Variants in VPS13D observed in about 807,000 individuals in gnomAD.
VPS13D encodes vacuolar protein sorting 13 homolog D.
In VPS13D, 187 loss-of-function variants were observed where a neutral mutation model predicts 461.9. The observed-to-expected ratio is 0.40, with a 90% CI of 0.36 to 0.46. VPS13D has a LOEUF of 0.46. Ranked by LOEUF, VPS13D falls within the 20% of genes least tolerant of loss-of-function variation. The probability of loss-of-function intolerance (pLI) is 0.60; values close to 1 mark genes in which losing one functional copy is unlikely to be tolerated. For synonymous variants in VPS13D, 1,951 were observed against 1,986.3 expected, an observed-to-expected ratio of 0.98 and a Z score of 0.47; for missense variants, 4,711 against 5,364.9, an observed-to-expected ratio of 0.88 and a Z score of 3.81.
In VPS13D at chr1:12,277,099, C is replaced by T. The variant is rs755498215; in HGVS notation, c.3511C>T (p.His1171Tyr). 3 of 1,613,980 alleles carry T rather than the reference C, an allele frequency of 1.9e-6. No homozygotes were observed. The South Asian group carries it at 3.3e-5, about 18-fold the overall frequency. Reference sequence around the variant, plus strand: ...AAACACTGAGGTTGCAGTGGAAATCCATAGGCTGAACTTACTGCTTCTTCG... The same window carrying T: ...AAACACTGAGGTTGCAGTGGAAATCTATAGGCTGAACTTACTGCTTCTTCG... ...EQNTEVAVEI[H>Y]RLNLLLLRTV... is the part of the protein sequence containing the mutation. Residue 1171 changes from histidine to tyrosine, a missense_variant, in exon 19 of 70, where the codon CAT becomes TAT. Coordinates refer to ENST00000620676, the MANE Select transcript of VPS13D (RefSeq NM_015378.4).
intron 9 of VPS13D, 30 bp downstream of exon 9, chr1:12,257,117 T>A: frequency 6.3e-7 from 1 of 1,586,514 alleles, no homozygotes; most frequent in Non-Finnish European, 8.7e-7. Context: ...GTCATGAAAT[T>A]CATGTTAGAG....
chr1:12,276,556 A>C lies in VPS13D; in HGVS notation c.2968A>C (p.Arg990=). ...VFGTNAHFVK[R]PYDAEVSLTV... ...TGGTACCAATGCTCACTTTGTGAAGAGGCCTTATGATGCTGAAGTCTCCCT... is the reference window on the plus strand; with the variant it reads ...TGGTACCAATGCTCACTTTGTGAAGCGGCCTTATGATGCTGAAGTCTCCCT... Residue 990 remains arginine, a synonymous_variant, in exon 19 of 70, where the codon AGG becomes CGG. Transcript: ENST00000620676. The surrounding 1 kb of genome is among the most constrained non-coding windows in gnomAD (Gnocchi z 4.5). 6.2e-7 allele frequency: 1 copy of C among 1,614,176 alleles called. No homozygotes were observed. Among genetic ancestry groups the C allele is most frequent in the Non-Finnish European group, 8.5e-7 (1 of 1,180,038 alleles).
chr1:12,479,003 CAG>C lies in VPS13D; in HGVS notation c.12663-18494_12663-18493del, dbSNP rs138211200. The stretch of plus-strand genomic sequence containing the variant: ...CCACAGCTACGCCCAGGTGCTAAAA[CAG>C]AGCAGGTGGAAGGCCGCCCCACGGA... On this transcript the variant is annotated intron_variant, in intron 67 of 69. Transcript: ENST00000620676. 815 of 418,892 alleles carry C rather than the reference CAG, an allele frequency of 1.9e-3. 6 individuals carry two copies. The highest frequency in any genetic ancestry group is 0.015 in the African/African-American group (751 of 49,406). 25.9% of individuals were successfully genotyped at this position (418,892 alleles called of 1,614,324 possible).
intron 65 of VPS13D, among the ~76,000 whole-genome samples, chr1:12,445,994 C>T (rs1645187779): frequency 6.6e-6 from 1 of 152,224 alleles, no homozygotes; most frequent in Admixed American, 6.5e-5. Context: ...GCATGTGTAG[C>T]TTTCCCAAAA....
At chr1:12,406,736 C>A (rs1644661111) in intron 63 of VPS13D, among the ~76,000 whole-genome samples, 1 of 152,148 alleles carries the variant, frequency 6.6e-6, no homozygotes, top group African/African-American at 2.4e-5. Flanking sequence ...TAGAAAGTGG[C>A]CGAGTGATAC....
At chr1:12,351,379 C>G (rs1319812483) in intron 46 of VPS13D, among the ~76,000 whole-genome samples, 1 of 152,188 alleles carries the variant, frequency 6.6e-6, no homozygotes, top group South Asian at 2.1e-4. Context: ...CAACCTCCGC[C>G]TCTTGGATTC....
At position 12,379,584 on chromosome 1, in the gene VPS13D, G is replaced by A. The variant is rs1250626819; in HGVS notation, c.11178G>A (p.Gly3726=). 1.2e-6 allele frequency: 2 copies of A among 1,613,262 alleles called. No homozygotes were observed. Among genetic ancestry groups the A allele is most frequent in the Non-Finnish European group, 8.5e-7 (1 of 1,179,618 alleles). ...REGKLTCGLH[G]LVVQAKGGLS... Reference sequence around the variant, plus strand: ...GAAAACTGACCTGTGGGTTACATGGGTTGGTCGTCCAGGTCAGTCGTTTTT... The same window carrying A: ...GAAAACTGACCTGTGGGTTACATGGATTGGTCGTCCAGGTCAGTCGTTTTT... Residue 3726 remains glycine (G), a synonymous_variant, in exon 57 of 70, where the codon GGG becomes GGA. Transcript: ENST00000620676.
intron 9 of VPS13D, 93 bp from the exon 10 acceptor site, chr1:12,257,842 G>A: frequency 7.0e-7 from 1 of 1,426,022 alleles, no homozygotes; most frequent in Non-Finnish European, 9.7e-7. Context: ...GATGTCTCAG[G>A]AGAGGAGTGG....
Position 12,269,936 on chromosome 1 carries a change from C to G in VPS13D, c.1973-1058C>G, listed in dbSNP as rs139426032. ...TCGAGGCTGGGGGATTGCTTGAGCC[C>G]AGGAGTTTGAGACTAGCCTGGGCAA... On this transcript the variant is annotated intron_variant, in intron 16 of 69. Coordinates refer to ENST00000620676, the MANE Select transcript of VPS13D (RefSeq NM_015378.4). Among the ~76,000 whole-genome samples, 260 of 152,198 alleles carry G rather than the reference C, an allele frequency of 1.7e-3. 2 individuals carry two copies. Among genetic ancestry groups the G allele is most frequent in the African/African-American group, 5.5e-3 (230 of 41,514 alleles).
At chr1:12,428,931 T>C (rs1170325841) in intron 65 of VPS13D, among the ~76,000 whole-genome samples, 1 of 152,116 alleles carries the variant, frequency 6.6e-6, no homozygotes, top group African/African-American at 2.4e-5. Context: ...TGCAGTGGGG[T>C]CTGTGCAAAC....
chr1:12,339,757 C>A (rs1016650284), intron 40 of VPS13D, among the ~76,000 whole-genome samples: 4 of 152,142 alleles, frequency 2.6e-5, no homozygotes, highest in African/African-American at 9.7e-5. Context: ...GTTATTGAAG[C>A]CTGTGCCATT....
At chr1:12,341,746 G>A (rs374028165) in intron 40 of VPS13D, 34 bp from the exon 41 acceptor site, 9 of 1,595,922 alleles carry the variant, frequency 5.6e-6, no homozygotes, top group Non-Finnish European at 6.9e-6. Context: ...GCAGATAGGG[G>A]CGTCTGCTCA....
intron 60 of VPS13D, among the ~76,000 whole-genome samples, chr1:12,391,885 G>T (rs1302930617): frequency 6.6e-6 from 1 of 151,982 alleles, no homozygotes; most frequent in African/African-American, 2.4e-5. Flanking sequence ...TTTGAGACAA[G>T]AATCTTGCTC....
chr1:12,506,941 C>G lies in VPS13D; in HGVS notation c.12883C>G (p.Arg4295Gly). 1 of 1,614,254 alleles carries G rather than the reference C, an allele frequency of 6.2e-7. No homozygotes were observed. Among genetic ancestry groups the G allele is most frequent in the Non-Finnish European group, 8.5e-7 (1 of 1,180,052 alleles). Residue 4295 changes from arginine to glycine, a missense_variant, in exon 69 of 70, where the codon CGA becomes GGA. Coordinates refer to ENST00000620676, the MANE Select transcript of VPS13D (RefSeq NM_015378.4). ...CCTGAAAAGTGGAGACTACGTGGAT[C>G]GAGAAGCCATTTTCCTAGAAGTCAA... is the stretch of plus-strand genomic sequence containing the variant. ...YFLKSGDYVDREAIFLEVKYD... is the reference protein window; with the variant it reads ...YFLKSGDYVDGEAIFLEVKYD...
At chr1:12,483,573 T>C (rs1645753668) in intron 67 of VPS13D, among the ~76,000 whole-genome samples, 1 of 151,742 alleles carries the variant, frequency 6.6e-6, no homozygotes, top group Admixed American at 6.5e-5. Context: ...AGTACATATC[T>C]TTCTTCCAGA....
Position 12,230,666 on chromosome 1 carries a change from A to T in VPS13D, c.-77+546A>T, listed in dbSNP as rs1226567412. ...CGAGGTCACACTCTCGCGTGGAGAC[A>T]TCAGGCCTAAAACCTCTCTTTACCT... On this transcript the variant is annotated intron_variant, in intron 1 of 69. Coordinates refer to ENST00000620676, the MANE Select transcript of VPS13D (RefSeq NM_015378.4). Among the ~76,000 whole-genome samples, 6 of 152,040 alleles carry T rather than the reference A, an allele frequency of 3.9e-5. No homozygotes were observed. The East Asian group carries it at 1.2e-3, about 29-fold the overall frequency.
intron 60 of VPS13D, among the ~76,000 whole-genome samples, chr1:12,388,691 C>T (rs957595752): frequency 1.3e-5 from 2 of 151,904 alleles, no homozygotes; most frequent in Admixed American, 1.3e-4. Flanking sequence ...ATGGTAGACT[C>T]AAACCTAATG....
intron 25 of VPS13D, among the ~76,000 whole-genome samples, chr1:12,302,503 T>G (rs747460099): frequency 3.3e-5 from 5 of 152,200 alleles, no homozygotes; most frequent in Non-Finnish European, 5.9e-5. Context: ...ATTTTTTAAG[T>G]CAAATAATAG....
chr1:12,304,879 A>C (rs555778228), intron 26 of VPS13D, 151 bp downstream of exon 26: 3 of 838,982 alleles, frequency 3.6e-6, no homozygotes, highest in East Asian at 5.3e-5. Context: ...TTTGCTTTAC[A>C]AGGTTTAAGA....
Sources: gnomAD v4.1 joint callset for allele counts (sites outside exome capture counted in the v4.1 genomes callset) on GRCh38, gnomAD v4.1.1 for gene constraint, Gnocchi (gnomAD v3.1) non-coding constraint, MANE v1.5 for transcripts, NCBI Gene and HGNC (gene_info 2026-07-23, HGNC 2026-07-21) for gene names.